The following SYN2 variants were observed in gnomAD, a reference collection of about 807,000 sequenced individuals.
The protein encoded by SYN2 is synapsin-2.
Under a neutral mutation model 50.9 loss-of-function variants are expected in SYN2, and 19 were observed. The ratio of observed to expected loss-of-function variants is 0.37; its 90% CI spans 0.26 to 0.55. The LOEUF (loss-of-function observed/expected upper bound fraction) is 0.55, where lower values mean the gene tolerates loss of function less well. Among genes scored for constraint, SYN2 ranks in the 20% least tolerant of loss-of-function variants. The probability of loss-of-function intolerance (pLI) is 0.81; values close to 1 mark genes in which losing one functional copy is unlikely to be tolerated. For missense variants in SYN2, 587 were observed against 576.4 expected (o/e 1.02, Z -0.19); for synonymous variants, 255 against 224.9 (o/e 1.13, Z -1.20).
chr3:12,049,682 C>T (rs967517377), intron 1 of SYN2, among the ~76,000 whole-genome samples: 21 of 152,084 alleles, frequency 1.4e-4, no homozygotes, highest in Admixed American at 1.2e-3. Context: ...GGGTTTGGAA[C>T]TCATTTTGTT....
intron 1 of SYN2, chr3:12,071,115 A>T: frequency 1.8e-6 from 1 of 560,950 alleles, no homozygotes; most frequent in South Asian, 1.4e-5. Context: ...GCAAAGACCT[A>T]CATGCCAACA....
chr3:12,161,860 G>T, intron 6 of SYN2, 152 bp from the exon 7 acceptor site: 1 of 1,186,820 alleles, frequency 8.4e-7, no homozygotes, highest in Non-Finnish European at 1.2e-6. Context: ...GGGAAGCTAG[G>T]GAGAAGGGGC....
At chr3:12,011,640 T>A (rs1012436692) in intron 1 of SYN2, among the ~76,000 whole-genome samples, 2 of 152,194 alleles carry the variant, frequency 1.3e-5, no homozygotes, top group Admixed American at 6.5e-5. Flanking sequence ...TGAAACAATG[T>A]GAGATACAGG....
At chr3:12,025,342 T>C (rs1694234280) in intron 1 of SYN2, among the ~76,000 whole-genome samples, 1 of 152,188 alleles carries the variant, frequency 6.6e-6, no homozygotes. Context: ...TCAAAGGCTT[T>C]TATGTTATAG....
At position 12,073,789 on chromosome 3, in the gene SYN2, A is replaced by G. The variant is rs145245471; in HGVS notation, c.378-66862A>G. 1.9e-3 allele frequency among the ~76,000 whole-genome samples: 283 copies of G among 152,290 alleles called. 4 individuals are homozygous for G. Among genetic ancestry groups the G allele is most frequent in the African/African-American group, 6.5e-3 (271 of 41,574 alleles). On this transcript the variant is annotated intron_variant, in intron 1 of 12. Transcript: ENST00000621198. ...GAGCCTTGGATCGATTAATTTTTAT[A>G]AATGTTTCATATGTGCTTAAGAAGA... is the stretch of plus-strand genomic sequence containing the variant.
chr3:12,057,287 CTG>C (rs59286785), intron 1 of SYN2, among the ~76,000 whole-genome samples: 2,686 of 133,946 alleles, frequency 0.02, 37 homozygotes, highest in Non-Finnish European at 0.031. Flanking sequence ...GCAAGACTGT[CTG>C]TGTGTGTGTG....
At chr3:12,160,209 A>G (rs1466807642) in intron 5 of SYN2, among the ~76,000 whole-genome samples, 1 of 152,084 alleles carries the variant, frequency 6.6e-6, no homozygotes, top group Non-Finnish European at 1.5e-5. Context: ...ATGGTGCTGG[A>G]CTGGATAGTG....
At chr3:12,064,756 G>A (rs188497145) in intron 1 of SYN2, among the ~76,000 whole-genome samples, 1 of 152,160 alleles carries the variant, frequency 6.6e-6, no homozygotes, top group Non-Finnish European at 1.5e-5. Flanking sequence ...TGGAGAAATT[G>A]GAACCCTTAT....
chr3:12,164,711 A>G (rs1029697606), intron 7 of SYN2, among the ~76,000 whole-genome samples: 17 of 152,150 alleles, frequency 1.1e-4, no homozygotes, highest in Non-Finnish European at 2.5e-4. Context: ...TTGCTCCCAC[A>G]TGCCCCAGGT....
intron 1 of SYN2, among the ~76,000 whole-genome samples, chr3:12,053,455 AAT>A: frequency 6.6e-6 from 1 of 150,956 alleles, no homozygotes; most frequent in Non-Finnish European, 1.5e-5. Flanking sequence ...AAAACAAAAA[AAT>A]ATATATAGAT....
chr3:12,159,613 A>G (rs2125234141), intron 5 of SYN2, among the ~76,000 whole-genome samples: 1 of 152,238 alleles, frequency 6.6e-6, no homozygotes, highest in Admixed American at 6.5e-5. Flanking sequence ...GGTGTACAAA[A>G]CACAAAGTGT....
intron 1 of SYN2, among the ~76,000 whole-genome samples, chr3:12,074,232 A>G (rs1394161701): frequency 6.6e-6 from 1 of 152,032 alleles, no homozygotes; most frequent in Admixed American, 6.6e-5. Context: ...TTTTAGGTGT[A>G]TCTCTTGCAA....
chr3:12,100,429 C>T (rs926524076), intron 1 of SYN2, among the ~76,000 whole-genome samples: 1 of 152,144 alleles, frequency 6.6e-6, no homozygotes, highest in East Asian at 1.9e-4. Flanking sequence ...TGCATATTCA[C>T]ATGCAAAAGA....
Position 12,188,799 on chromosome 3 carries a change from T to TGG in SYN2, c.1613+1187_1613+1188insGG, listed in dbSNP as rs1364753071. Among the ~76,000 whole-genome samples the TGG allele has an allele frequency of 3.3e-5, 5 of 152,198 alleles. No homozygotes were observed. In the East Asian group the frequency reaches 9.7e-4, roughly 30 times the overall value. ...CTTGCCTCTTGCCTGCCACATAATGTCCCTTCAGCCCAGCTGTTTCCTGCC... is the reference window on the plus strand; with the variant it reads ...CTTGCCTCTTGCCTGCCACATAATGTGGCCCTTCAGCCCAGCTGTTTCCTGCC... On this transcript the variant is annotated intron_variant, in intron 12 of 12. Coordinates refer to ENST00000621198, the MANE Select transcript of SYN2 (RefSeq NM_133625.6).
chr3:12,089,963 A>G (rs1202010191), intron 1 of SYN2, among the ~76,000 whole-genome samples: 3 of 152,208 alleles, frequency 2.0e-5, no homozygotes, highest in Non-Finnish European at 2.9e-5. Context: ...ATCTACAACA[A>G]GAAGGAGTTA....
At chr3:12,022,473 T>A (rs917208946) in intron 1 of SYN2, among the ~76,000 whole-genome samples, 1 of 152,134 alleles carries the variant, frequency 6.6e-6, no homozygotes, top group Non-Finnish European at 1.5e-5. Flanking sequence ...AGTGGCGCGA[T>A]CTCGGCTCAC....
At chr3:12,062,239 A>G (rs532992160) in intron 1 of SYN2, among the ~76,000 whole-genome samples, 18 of 152,164 alleles carry the variant, frequency 1.2e-4, no homozygotes, top group African/African-American at 4.1e-4. Context: ...TAATCAAATG[A>G]TCTTTGACAA....
At chr3:12,185,769 T>C in intron 11 of SYN2, 1 of 985,810 alleles carries the variant, frequency 1.0e-6, no homozygotes, top group Non-Finnish European at 1.2e-6. Flanking sequence ...TCCAAGTATC[T>C]GCACAAATGG....
intron 1 of SYN2, among the ~76,000 whole-genome samples, chr3:12,082,663 C>T (rs759075640): frequency 2.0e-5 from 3 of 152,124 alleles, no homozygotes; most frequent in Non-Finnish European, 2.9e-5. Context: ...GATGTATATC[C>T]ATTGCTCACT....
Sources: gnomAD v4.1 joint callset for allele counts (sites outside exome capture counted in the v4.1 genomes callset) on GRCh38, gnomAD v4.1.1 for gene constraint, MANE v1.5 for transcripts, NCBI Gene and HGNC (gene_info 2026-07-23, HGNC 2026-07-21) for gene names.